HHAT: variants seen among roughly 807,000 people sequenced by gnomAD.
HHAT encodes hedgehog acyltransferase.
Under a neutral mutation model 70.8 loss-of-function variants are expected in HHAT, and 47 were observed. That is an observed-to-expected ratio of 0.66 (90% CI 0.53 to 0.85). The LOEUF (loss-of-function observed/expected upper bound fraction) is 0.85, where lower values mean the gene tolerates loss of function less well. Ranked by LOEUF, HHAT falls within the 40% of genes least tolerant of loss-of-function variation. The pLI, the probability that HHAT is intolerant of heterozygous loss-of-function variation, is 0.00. For missense variants in HHAT, 609 were observed against 604.8 expected, an observed-to-expected ratio of 1.01 and a Z score of -0.07; for synonymous variants, 228 against 247.6, an observed-to-expected ratio of 0.92 and a Z score of 0.74.
Position 210,491,024 on chromosome 1 carries a change from G to C in HHAT, c.1008-22129G>C, listed in dbSNP as rs139491738. Among the ~76,000 whole-genome samples the C allele has an allele frequency of 3.5e-4, 53 of 151,694 alleles. No individual in the cohort carries two copies. The East Asian group carries it at 8.4e-3, about 24-fold the overall frequency. On this transcript the variant is annotated intron_variant, in intron 8 of 11. Transcript: ENST00000261458. The stretch of plus-strand genomic sequence containing the variant: ...ATTATGCAGCCATCTCACATAAACT[G>C]TCTGAAGACACCATTTTTGTGAGAC...
At chr1:210,548,157 CT>C (rs1212724873) in intron 9 of HHAT, among the ~76,000 whole-genome samples, 1 of 152,116 alleles carries the variant, frequency 6.6e-6, no homozygotes, top group Non-Finnish European at 1.5e-5. Context: ...GCTGTCAGTG[CT>C]CACTGTGGGC....
In HHAT at chr1:210,386,230, C is replaced by CTTTCTTTTTTTTTTTTTTTTTTTT. The variant is rs1324452281; in HGVS notation, c.160-1235_160-1234insCTTTTTTTTTTTTTTTTTTTTTTT. 1.7e-3 allele frequency among the ~76,000 whole-genome samples: 122 copies of CTTTCTTTTTTTTTTTTTTTTTTTT among 69,916 alleles called. 20 individuals carry two copies. The highest frequency in any genetic ancestry group is 2.3e-3 in the Admixed American group (13 of 5,648). 45.9% of individuals were successfully genotyped at this position (69,916 alleles called of 152,430 possible). On this transcript the variant is annotated intron_variant, in intron 3 of 11. Coordinates refer to ENST00000261458, the MANE Select transcript of HHAT (RefSeq NM_018194.6). Reference sequence around the variant, plus strand: ...ATTGCAGGAGTCCTTTTCTTTTTTTCTTTTTTTTTTTTTTTTTTTTTTTTT... The same window carrying CTTTCTTTTTTTTTTTTTTTTTTTT: ...ATTGCAGGAGTCCTTTTCTTTTTTTCTTTCTTTTTTTTTTTTTTTTTTTTTTTTTTTTTTTTTTTTTTTTTTTTT...
At chr1:210,352,753 C>T (rs904659321) in intron 2 of HHAT, among the ~76,000 whole-genome samples, 4 of 152,070 alleles carry the variant, frequency 2.6e-5, no homozygotes, top group African/African-American at 4.8e-5. Flanking sequence ...CTTCTTCCCC[C>T]CAACTCTACC....
intron 9 of HHAT, among the ~76,000 whole-genome samples, chr1:210,559,345 C>T (rs1157358836): frequency 6.6e-6 from 1 of 152,136 alleles, no homozygotes; most frequent in Non-Finnish European, 1.5e-5. Context: ...CTACTTGGCC[C>T]ACAGTAGGTA....
intron 5 of HHAT, 36 bp from the exon 6 acceptor site, chr1:210,404,428 C>A: frequency 1.3e-6 from 2 of 1,514,250 alleles, no homozygotes; most frequent in Non-Finnish European, 1.8e-6. Flanking sequence ...TCCCTGCTGG[C>A]CACTCAAAGG....
intron 1 of HHAT, among the ~76,000 whole-genome samples, chr1:210,333,331 G>A (rs184973825): frequency 3.3e-3 from 504 of 152,260 alleles, no homozygotes; most frequent in Middle Eastern, 6.8e-3. Flanking sequence ...GGCTGAGGAG[G>A]AAGGATCACT....
intron 9 of HHAT, among the ~76,000 whole-genome samples, chr1:210,531,004 T>C (rs2095309257): frequency 6.6e-6 from 1 of 152,228 alleles, no homozygotes; most frequent in Admixed American, 6.5e-5. Context: ...GGCAATTTCA[T>C]CATTGTGCAA....
chr1:210,593,197 T>C (rs868365824), intron 10 of HHAT, among the ~76,000 whole-genome samples: 2 of 152,300 alleles, frequency 1.3e-5, no homozygotes, highest in African/African-American at 4.8e-5. Flanking sequence ...TATGTATTTC[T>C]TCTCTGATCT....
intron 10 of HHAT, among the ~76,000 whole-genome samples, chr1:210,606,510 C>T (rs75850583): frequency 6.6e-6 from 1 of 152,104 alleles, no homozygotes; most frequent in African/African-American, 2.4e-5. Flanking sequence ...TATTCTCTTC[C>T]TTTCCTGGAG....
chr1:210,424,427 G>T (rs1244184131), intron 7 of HHAT, among the ~76,000 whole-genome samples: 2 of 139,880 alleles, frequency 1.4e-5, no homozygotes, highest in South Asian at 2.4e-4. Context: ...GAGTCTTTAG[G>T]TTTTTTTTCT....
chr1:210,368,436 C>T (rs12143445), intron 3 of HHAT, among the ~76,000 whole-genome samples: 43,211 of 151,836 alleles, frequency 0.28, 6,594 homozygotes, highest in Admixed American at 0.37. Flanking sequence ...GGGTTGCAGG[C>T]GTGTGCCACC....
intron 9 of HHAT, among the ~76,000 whole-genome samples, chr1:210,541,691 C>T (rs2095432625): frequency 6.6e-6 from 1 of 152,214 alleles, no homozygotes; most frequent in South Asian, 2.1e-4. Context: ...TGTGCCACTG[C>T]ACTACAGCCT....
At position 210,417,619 on chromosome 1, in the gene HHAT, G is replaced by T. The variant is rs958934913; in HGVS notation, c.685-535G>T. On this transcript the variant is annotated intron_variant, in intron 6 of 11. Coordinates refer to ENST00000261458, the MANE Select transcript of HHAT (RefSeq NM_018194.6). The stretch of plus-strand genomic sequence containing the variant: ...AAGAGACTTGTTCCACATACTGTCT[G>T]CCATGTTTCAAAAAACAACTTAGGG... 6.6e-5 allele frequency among the ~76,000 whole-genome samples: 10 copies of T among 152,288 alleles called. No individual in the cohort carries two copies. The East Asian group carries it at 1.9e-3, about 29-fold the overall frequency.
Position 210,613,753 on chromosome 1 carries a change from C to T in HHAT, c.1246-9773C>T, listed in dbSNP as rs140778218. Among the ~76,000 whole-genome samples, 574 of 152,274 alleles carry T rather than the reference C, an allele frequency of 3.8e-3. 6 individuals carry two copies. Among genetic ancestry groups the T allele is most frequent in the African/African-American group, 0.013 (543 of 41,546 alleles). On this transcript the variant is annotated intron_variant, in intron 10 of 11. Coordinates refer to ENST00000261458, the MANE Select transcript of HHAT (RefSeq NM_018194.6). The stretch of plus-strand genomic sequence containing the variant: ...TTCTTCCCAACTGGGTGCAGTGGCT[C>T]ATGCCTATAATTCCAGCACTTTGTG...
chr1:210,591,763 G>C (rs1661757767), intron 10 of HHAT, among the ~76,000 whole-genome samples: 1 of 151,972 alleles, frequency 6.6e-6, no homozygotes, highest in African/African-American at 2.4e-5. Flanking sequence ...TTGTAGTTTT[G>C]ATTTGAATTT....
intron 8 of HHAT, among the ~76,000 whole-genome samples, chr1:210,505,494 G>A (rs906967968): frequency 6.6e-5 from 10 of 152,200 alleles, no homozygotes; most frequent in African/African-American, 2.4e-4. Flanking sequence ...AATTAGTCAA[G>A]TGAGGAGGAG....
At chr1:210,491,635 A>G (rs1343373414) in intron 8 of HHAT, among the ~76,000 whole-genome samples, 1 of 152,226 alleles carries the variant, frequency 6.6e-6, no homozygotes, top group African/African-American at 2.4e-5. Context: ...AGATTCACTT[A>G]TTGTGATTAC....
At chr1:210,619,108 G>A (rs189423016) in intron 10 of HHAT, among the ~76,000 whole-genome samples, 34 of 152,288 alleles carry the variant, frequency 2.2e-4, no homozygotes, top group Admixed American at 3.9e-4. Context: ...GGGGCTTGCT[G>A]TAACCAGGCC....
intron 11 of HHAT, among the ~76,000 whole-genome samples, chr1:210,630,178 C>T (rs987853954): frequency 1.3e-5 from 2 of 152,130 alleles, no homozygotes; most frequent in Non-Finnish European, 2.9e-5. Context: ...TTTGTGATTC[C>T]ACTGGGCCTG....
Sources: gnomAD v4.1 joint callset for allele counts (sites outside exome capture counted in the v4.1 genomes callset) on GRCh38, gnomAD v4.1.1 for gene constraint, MANE v1.5 for transcripts, NCBI Gene and HGNC (gene_info 2026-07-23, HGNC 2026-07-21) for gene names.